The following LOC128092252 variants were observed in gnomAD, a reference collection of about 807,000 sequenced individuals.
the LOC128092252 span, among the ~76,000 whole-genome samples, chr15:50,656,881 C>G: frequency 6.6e-6 from 1 of 152,170 alleles, no homozygotes; most frequent in South Asian, 2.1e-4. Flanking sequence ...TTGCATTTAT[C>G]TCATTAAGCC....
At chr15:50,679,709 T>G in the LOC128092252 span, among the ~76,000 whole-genome samples, 32 of 150,910 alleles carry the variant, frequency 2.1e-4, no homozygotes, top group African/African-American at 7.8e-4. Flanking sequence ...CTGATTTTTA[T>G]ATTTTTAGTA....
At chr15:50,663,839 T>C in the LOC128092252 span, among the ~76,000 whole-genome samples, 2 of 152,148 alleles carry the variant, frequency 1.3e-5, no homozygotes, top group African/African-American at 4.8e-5. Context: ...GATGTGCTCC[T>C]GTAGTCCCAG....
At chr15:50,675,428 C>G in the LOC128092252 span, among the ~76,000 whole-genome samples, 2 of 152,106 alleles carry the variant, frequency 1.3e-5, no homozygotes. Flanking sequence ...ACCTCTCATT[C>G]TGTTTATGTA....
At chr15:50,677,866 A>T in the LOC128092252 span, among the ~76,000 whole-genome samples, 3 of 152,086 alleles carry the variant, frequency 2.0e-5, no homozygotes, top group Non-Finnish European at 4.4e-5. Context: ...CCATATTCAA[A>T]AGAACGGTAA....
chr15:50,654,564 A>G, the LOC128092252 span, among the ~76,000 whole-genome samples: 83,848 of 151,330 alleles, frequency 0.55, 24,367 homozygotes, highest in Admixed American at 0.63. Flanking sequence ...TAATGCAGGT[A>G]TTATAAATAT....
At chr15:50,658,565 CTG>C in the LOC128092252 span, among the ~76,000 whole-genome samples, 1 of 145,950 alleles carries the variant, frequency 6.9e-6, no homozygotes, top group African/African-American at 2.6e-5. Flanking sequence ...GAGCGAGAAA[CTG>C]TCTCAAAAAA....
At chr15:50,668,318 T>G in the LOC128092252 span, among the ~76,000 whole-genome samples, 3,315 of 151,868 alleles carry the variant, frequency 0.022, 120 homozygotes, top group African/African-American at 0.077. Context: ...TTTTTTACTT[T>G]TTTGCTTAAA....
At chr15:50,663,827 G>A in the LOC128092252 span, among the ~76,000 whole-genome samples, 1 of 152,132 alleles carries the variant, frequency 6.6e-6, no homozygotes, top group Non-Finnish European at 1.5e-5. Context: ...GCCAGGTATG[G>A]TGATGTGCTC....
chr15:50,669,529 C>T, the LOC128092252 span, among the ~76,000 whole-genome samples: 10 of 152,084 alleles, frequency 6.6e-5, no homozygotes, highest in Non-Finnish European at 1.2e-4. Flanking sequence ...AAGCCAATTT[C>T]GAAAGCCTAT....
chr15:50,679,530 A>AT, the LOC128092252 span, among the ~76,000 whole-genome samples: 5 of 44,804 alleles, frequency 1.1e-4, no homozygotes, highest in African/African-American at 4.2e-4. Context: ...ATATATATAT[A>AT]TATATATATT....
chr15:50,684,504 G>C, the LOC128092252 span, among the ~76,000 whole-genome samples: 213 of 152,142 alleles, frequency 1.4e-3, 3 homozygotes, highest in Non-Finnish European at 2.4e-3. Context: ...AGCCGGGTGT[G>C]GTGGCTCGCA....
chr15:50,672,061 T>G, the LOC128092252 span, among the ~76,000 whole-genome samples: 2 of 148,036 alleles, frequency 1.4e-5, no homozygotes, highest in African/African-American at 5.3e-5. Context: ...GGTTGGTTTT[T>G]GTTTTTGTTT....
chr15:50,664,363 T>C, the LOC128092252 span, among the ~76,000 whole-genome samples: 1 of 150,020 alleles, frequency 6.7e-6, no homozygotes, highest in African/African-American at 2.5e-5. Context: ...CCCAGCTACA[T>C]TCCATTTCTA....
At chr15:50,681,789 G>A in the LOC128092252 span, among the ~76,000 whole-genome samples, 1 of 152,182 alleles carries the variant, frequency 6.6e-6, no homozygotes, top group East Asian at 1.9e-4. Context: ...ATAGTAAGAG[G>A]GGTAAACAGT....
chr15:50,679,040 AT>A, the LOC128092252 span, among the ~76,000 whole-genome samples: 10 of 151,766 alleles, frequency 6.6e-5, no homozygotes, highest in African/African-American at 2.4e-4. Flanking sequence ...CGCCCGGCTA[AT>A]TTTTGTATTT....
the LOC128092252 span, among the ~76,000 whole-genome samples, chr15:50,665,259 T>C: frequency 6.6e-6 from 1 of 151,922 alleles, no homozygotes; most frequent in Non-Finnish European, 1.5e-5. Context: ...AAGTCGTGTG[T>C]GGTGGCACAC....
the LOC128092252 span, among the ~76,000 whole-genome samples, chr15:50,679,089 G>T: frequency 6.7e-6 from 1 of 150,354 alleles, no homozygotes; most frequent in East Asian, 1.9e-4. Flanking sequence ...GGCCAGGATG[G>T]TCTCGATCTC....
At chr15:50,649,069 AG>A in the LOC128092252 span, among the ~76,000 whole-genome samples, 2 of 152,196 alleles carry the variant, frequency 1.3e-5, no homozygotes, top group Non-Finnish European at 2.9e-5. Flanking sequence ...GCACTGAAAT[AG>A]TATAATTAGT....
At chr15:50,678,006 G>A in the LOC128092252 span, among the ~76,000 whole-genome samples, 83 of 151,738 alleles carry the variant, frequency 5.5e-4, 2 homozygotes, top group South Asian at 0.014. Context: ...TTGGGAGGCC[G>A]AGGCGGGCGG....
Sources: allele counts gnomAD v4.1 joint callset (sites outside exome capture counted in the v4.1 genomes callset), GRCh38; gene constraint gnomAD v4.1.1; transcripts MANE v1.5.